Variants in CR1L observed in about 807,000 individuals in gnomAD.
CR1L encodes the protein complement C3b/C4b receptor 1 like.
Under a neutral mutation model 62.3 loss-of-function variants are expected in CR1L, and 59 were observed. The observed-to-expected ratio is 0.95, with a 90% CI of 0.77 to 1.18. The LOEUF is 1.18. CR1L is among the 50% of genes most tolerant of loss of function. The pLI is 0.00. For synonymous variants in CR1L, 279 were observed against 248.7 expected (o/e 1.12, Z -1.15); for missense variants, 700 against 702.8 (o/e 1.00, Z 0.04).
intron 1 of CR1L, among the ~76,000 whole-genome samples, 174 bp downstream of exon 1, chr1:207,645,504 G>A (rs1398551792): frequency 1.3e-5 from 2 of 152,234 alleles, no homozygotes; most frequent in Non-Finnish European, 2.9e-5. Flanking sequence ...TGTGGCGGGG[G>A]ATGCGGGAAC....
Position 207,717,527 on chromosome 1 carries a change from A to G in CR1L, c.1478A>G (p.Asp493Gly). ...AGACACACAGGAACTCCCCTTGGAG[A>G]TATTCCCTATGGAAAAGAAGTATCT... is the stretch of plus-strand genomic sequence containing the variant. ...NGRHTGTPLG[D>G]IPYGKEVSYT... Residue 493 changes from aspartate (D) to glycine (G), a missense_variant, in exon 11 of 12, where the codon GAT (aspartate) becomes GGT (glycine). By Grantham distance (94) the Asp-to-Gly change is moderately conservative. Coordinates refer to ENST00000508064, the MANE Select transcript of CR1L (RefSeq NM_175710.2). The G allele has an allele frequency of 6.2e-7, 1 of 1,613,752 alleles. No homozygotes were observed. Among genetic ancestry groups the G allele is most frequent in the Non-Finnish European group, 8.5e-7 (1 of 1,179,692 alleles).
Position 207,701,831 on chromosome 1 carries a change from A to C in CR1L, c.1328+213A>C. The C allele has an allele frequency of 4.0e-6, 3 of 753,122 alleles. No individual in the cohort carries two copies. The South Asian group carries it at 4.4e-5, about 11-fold the overall frequency. 46.7% of individuals were successfully genotyped at this position (753,122 alleles called of 1,614,324 possible). ...AAACCAGGGCAGTGCACACATAAAGAGTATGCCGTTCACTGGATGGGAAGG... is the reference window on the plus strand; with the variant it reads ...AAACCAGGGCAGTGCACACATAAAGCGTATGCCGTTCACTGGATGGGAAGG... On this transcript the variant is annotated intron_variant, in intron 9 of 11. Transcript: ENST00000508064.
intron 1 of CR1L, among the ~76,000 whole-genome samples, chr1:207,647,480 C>CT (rs2102435909): frequency 6.6e-6 from 1 of 152,308 alleles, no homozygotes; most frequent in African/African-American, 2.4e-5. Context: ...TTAAAGTGAT[C>CT]TTTTCTGTTC....
chr1:207,704,600 C>T (rs1241138781), intron 9 of CR1L, among the ~76,000 whole-genome samples: 2 of 152,176 alleles, frequency 1.3e-5, no homozygotes, highest in Non-Finnish European at 2.9e-5. Flanking sequence ...ATAGCCACAG[C>T]CACCCCAGCT....
At chr1:207,719,138 C>G (rs12760671) in intron 11 of CR1L, among the ~76,000 whole-genome samples, 1 of 121,608 alleles carries the variant, frequency 8.2e-6, no homozygotes, top group African/African-American at 3.0e-5. Context: ...GGGATAGCAT[C>G]GGGAGATATA....
chr1:207,708,448 T>C (rs1664304635), intron 10 of CR1L, among the ~76,000 whole-genome samples, 185 bp downstream of exon 10: 2 of 152,248 alleles, frequency 1.3e-5, no homozygotes, highest in South Asian at 4.1e-4. Context: ...AAATGCTTTT[T>C]TTCTTATCTT....
chr1:207,712,126 C>A (rs1239347890), intron 10 of CR1L, among the ~76,000 whole-genome samples: 1 of 152,202 alleles, frequency 6.6e-6, no homozygotes, highest in African/African-American at 2.4e-5. Flanking sequence ...GGCAAGAACC[C>A]TTCCAGAGTA....
chr1:207,677,664 A>G (rs1186329912), intron 2 of CR1L, 96 bp downstream of exon 2: 2 of 1,414,006 alleles, frequency 1.4e-6, no homozygotes, highest in Non-Finnish European at 9.7e-7. Context: ...GCATACAACA[A>G]TTAGTTTGCT....
chr1:207,690,280 T>G (rs1449497577), intron 4 of CR1L, among the ~76,000 whole-genome samples: 1 of 152,176 alleles, frequency 6.6e-6, no homozygotes, highest in Non-Finnish European at 1.5e-5. Flanking sequence ...CTTTATATTT[T>G]TATTATCATT....
rs1184306703 is a variant in CR1L at position 207,678,141 on chromosome 1, C to T, written c.278-57C>T. ...TATAGGCAGGTTGAGACCTTATGTA[C>T]TAAAAAAAAATTCAGTTTACTCTAC... On this transcript the variant is annotated intron_variant, in intron 2 of 11. Coordinates refer to ENST00000508064, the MANE Select transcript of CR1L (RefSeq NM_175710.2). 10 of 1,455,216 alleles carry T rather than the reference C, an allele frequency of 6.9e-6. No homozygotes were observed. In the East Asian group the frequency reaches 1.4e-4, roughly 21 times the overall value. The allele number at this position is 1,455,216 out of a possible 1,614,324, so 90.1% of individuals were successfully genotyped here. A position where few individuals can be genotyped will look rare whatever the true frequency, so the allele number is the denominator to read the frequency against.
chr1:207,655,687 G>A (rs1213135930), intron 1 of CR1L, among the ~76,000 whole-genome samples: 1 of 152,084 alleles, frequency 6.6e-6, no homozygotes, highest in East Asian at 1.9e-4. Flanking sequence ...ATCTGCCCCC[G>A]TGGGCCTCCC....
At chr1:207,703,613 G>A (rs1571530258) in intron 9 of CR1L, among the ~76,000 whole-genome samples, 1 of 152,240 alleles carries the variant, frequency 6.6e-6, no homozygotes, top group African/African-American at 2.4e-5. Flanking sequence ...GCTGACAACA[G>A]CAGCCATTCT....
At chr1:207,652,637 A>G (rs1211421237) in intron 1 of CR1L, 25 of 1,250,190 alleles carry the variant, frequency 2.0e-5, no homozygotes, top group Admixed American at 3.4e-5. Flanking sequence ...GTAGATTATA[A>G]GTGTAAAAAA....
intron 1 of CR1L, among the ~76,000 whole-genome samples, chr1:207,665,677 G>A (rs980313392): frequency 2.0e-5 from 3 of 152,220 alleles, no homozygotes; most frequent in Non-Finnish European, 2.9e-5. Flanking sequence ...ACAGGCGTGA[G>A]CCACCATGCC....
chr1:207,705,652 G>T (rs1237260990), intron 9 of CR1L, among the ~76,000 whole-genome samples: 1 of 152,062 alleles, frequency 6.6e-6, no homozygotes, highest in East Asian at 1.9e-4. Context: ...TCTTTTTTGA[G>T]CATTTTTAAA....
intron 3 of CR1L, among the ~76,000 whole-genome samples, chr1:207,680,783 A>T (rs1663783367): frequency 6.6e-6 from 1 of 152,182 alleles, no homozygotes; most frequent in Admixed American, 6.5e-5. Context: ...CAGAGATAAG[A>T]CCCACTCAGA....
At chr1:207,696,669 A>C (rs762929314) in intron 5 of CR1L, among the ~76,000 whole-genome samples, 1 of 152,220 alleles carries the variant, frequency 6.6e-6, no homozygotes, top group African/African-American at 2.4e-5. Flanking sequence ...AGAAAGCTGA[A>C]GTCCAGAAAA....
At chr1:207,716,736 T>C (rs971825060) in intron 10 of CR1L, among the ~76,000 whole-genome samples, 4 of 152,210 alleles carry the variant, frequency 2.6e-5, no homozygotes, top group Admixed American at 2.0e-4. Flanking sequence ...AAGTTAATCA[T>C]TGTTTGATGT....
At position 207,683,877 on chromosome 1, in the gene CR1L, G is replaced by A. The variant is rs41314532; in HGVS notation, c.383G>A (p.Arg128Gln). The A allele has an allele frequency of 0.019, 30,960 of 1,612,452 alleles. 355 individuals are homozygous for A. The highest frequency in any genetic ancestry group is 0.023 in the Non-Finnish European group (27,046 of 1,178,864). ...TCCTTATTTTTTGCCTCTAGATACC[G>A]ACTCATTGGTTCCTCGTCTGCCACA... ...QIKYSCPKGYRLIGSSSATCI... is the reference protein window; with the variant it reads ...QIKYSCPKGYQLIGSSSATCI... The change falls in exon 4 of 12, where the codon CGA becomes CAA. Residue 128 changes from arginine (R) to glutamine (Q), a missense_variant. Coordinates refer to ENST00000508064, the MANE Select transcript of CR1L (RefSeq NM_175710.2).
Sources: gnomAD v4.1 joint callset for allele counts (sites outside exome capture counted in the v4.1 genomes callset) on GRCh38, gnomAD v4.1.1 for gene constraint, MANE v1.5 for transcripts, NCBI Gene and HGNC (gene_info 2026-07-23, HGNC 2026-07-21) for gene names.